SPPL3: variants seen among roughly 807,000 people sequenced by gnomAD.
SPPL3 encodes signal peptide peptidase-like 3.
In SPPL3, 5 loss-of-function variants were observed where a neutral mutation model predicts 42.4. The observed-to-expected ratio is 0.12, with a 90% confidence interval of 0.06 to 0.25. SPPL3 has a LOEUF of 0.25. Ranked by LOEUF, SPPL3 falls within the 10% of genes least tolerant of loss-of-function variation. The pLI is 1.00. For missense variants in SPPL3, 235 were observed against 489.0 expected, an observed-to-expected ratio of 0.48 and a Z score of 4.90; for synonymous variants, 195 against 181.8, an observed-to-expected ratio of 1.07 and a Z score of -0.58.
intron 1 of SPPL3, among the ~76,000 whole-genome samples, chr12:120,867,850 T>C (rs1347381807): frequency 2.0e-5 from 3 of 151,640 alleles, no homozygotes; most frequent in Non-Finnish European, 4.4e-5. Flanking sequence ...CGGGTTCAAG[T>C]GATTCTCCTG....
rs11290474 is a variant in SPPL3 at position 120,765,289 on chromosome 12, A to AT, written c.1084-220dup. ...CTGCTGCGCTTGGCCCCTTTCTGATATTTTTTTTTTTTGAGATGGGTTCTC... is the reference window on the plus strand; with the variant it reads ...CTGCTGCGCTTGGCCCCTTTCTGATATTTTTTTTTTTTTGAGATGGGTTCTC... On this transcript the variant is annotated intron_variant, in intron 10 of 10. Transcript: ENST00000353487. 4.0e-3 allele frequency among the ~76,000 whole-genome samples: 582 copies of AT among 145,710 alleles called. 5 individuals carry two copies. Among genetic ancestry groups the AT allele is most frequent in the East Asian group, 0.022 (111 of 4,962 alleles).
At chr12:120,772,613 A>C (rs1007105086) in intron 6 of SPPL3, among the ~76,000 whole-genome samples, 1 of 152,208 alleles carries the variant, frequency 6.6e-6, no homozygotes. Context: ...GATATATTTC[A>C]TTTTCATAGA....
At chr12:120,857,110 G>C (rs905319228) in intron 1 of SPPL3, among the ~76,000 whole-genome samples, 2 of 152,150 alleles carry the variant, frequency 1.3e-5, no homozygotes, top group African/African-American at 4.8e-5. Context: ...TAAAGAACCA[G>C]GAAGAGTAAT....
chr12:120,869,143 T>C (rs6489783), intron 1 of SPPL3, among the ~76,000 whole-genome samples: 13,468 of 152,198 alleles, frequency 0.088, 1,748 homozygotes, highest in African/African-American at 0.29. Context: ...TAACATGATA[T>C]AATAAAATGC....
intron 1 of SPPL3, chr12:120,845,514 G>T: frequency 2.3e-6 from 1 of 442,246 alleles, no homozygotes. Flanking sequence ...GCCTATGGTG[G>T]GAATGGTGGT....
At chr12:120,844,914 T>C (rs761623117) in intron 1 of SPPL3, among the ~76,000 whole-genome samples, 17 of 150,620 alleles carry the variant, frequency 1.1e-4, no homozygotes, top group Admixed American at 7.9e-4. Context: ...TAACAGAAAC[T>C]GCCTAATTGG....
chr12:120,822,186 C>T (rs146085967), intron 1 of SPPL3, among the ~76,000 whole-genome samples: 1 of 152,122 alleles, frequency 6.6e-6, no homozygotes, highest in East Asian at 1.9e-4. Flanking sequence ...GACTGTTGCA[C>T]AAAACATAAG....
intron 1 of SPPL3, among the ~76,000 whole-genome samples, chr12:120,836,338 C>A (rs961413656): frequency 6.6e-6 from 1 of 152,080 alleles, no homozygotes; most frequent in Admixed American, 6.6e-5. Context: ...AGCTGGCATG[C>A]AAGGAAGTCC....
At chr12:120,800,515 CAAAA>C (rs908207426) in intron 2 of SPPL3, among the ~76,000 whole-genome samples, 1 of 151,804 alleles carries the variant, frequency 6.6e-6, no homozygotes, top group Admixed American at 6.6e-5. Context: ...AACAAAAAAA[CAAAA>C]AACAAAACAA....
At chr12:120,900,529 C>A (rs1372928164) in intron 1 of SPPL3, among the ~76,000 whole-genome samples, 1 of 150,106 alleles carries the variant, frequency 6.7e-6, no homozygotes, top group Non-Finnish European at 1.5e-5. Context: ...CGCTTAAGCC[C>A]TGGAGGCACT....
chr12:120,797,875 C>T (rs1358381626), intron 2 of SPPL3, among the ~76,000 whole-genome samples: 1 of 152,118 alleles, frequency 6.6e-6, no homozygotes, highest in Admixed American at 6.5e-5. Flanking sequence ...AAGACTTGCC[C>T]CTCTACTAAC....
intron 1 of SPPL3, among the ~76,000 whole-genome samples, chr12:120,850,360 G>A (rs1285016969): frequency 6.6e-6 from 1 of 152,010 alleles, no homozygotes; most frequent in African/African-American, 2.4e-5. Flanking sequence ...CTACACCACA[G>A]AAGTTTATGC....
chr12:120,789,824 CAAAAA>C lies in SPPL3; in HGVS notation c.190+1640_190+1644del, dbSNP rs3050392. On this transcript the variant is annotated intron_variant, in intron 3 of 10. Coordinates refer to ENST00000353487, the MANE Select transcript of SPPL3 (RefSeq NM_139015.5). ...TGAATGACAGAGCAAGACTCCGTCT[CAAAAA>C]AAAAAAAAAAAAAAAAAAAAAAGAG... is the stretch of plus-strand genomic sequence containing the variant. 7.2e-3 allele frequency among the ~76,000 whole-genome samples: 219 copies of C among 30,444 alleles called. 2 individuals are homozygous for C. Among genetic ancestry groups the C allele is most frequent in the African/African-American group, 0.022 (196 of 8,988 alleles). The allele number at this position is 30,444 out of a possible 152,430, so 20.0% of individuals were successfully genotyped here.
intron 1 of SPPL3, among the ~76,000 whole-genome samples, chr12:120,866,203 C>T (rs1358977171): frequency 6.6e-6 from 1 of 152,124 alleles, no homozygotes; most frequent in Non-Finnish European, 1.5e-5. Flanking sequence ...CCAAAACATC[C>T]TCCCCCTCCT....
chr12:120,830,588 A>G (rs1871393678), intron 1 of SPPL3, among the ~76,000 whole-genome samples: 1 of 117,454 alleles, frequency 8.5e-6, no homozygotes, highest in Non-Finnish European at 1.8e-5. Context: ...AAGGAGAGAG[A>G]GAGAGAGAGA....
At chr12:120,766,601 G>C (rs1016907721) in intron 9 of SPPL3, among the ~76,000 whole-genome samples, 1 of 152,226 alleles carries the variant, frequency 6.6e-6, no homozygotes, top group South Asian at 2.1e-4. Context: ...TCCTTGCTCA[G>C]GTTCCTGGGT....
At chr12:120,804,705 A>AAATGCTT (rs1426889181) in intron 2 of SPPL3, among the ~76,000 whole-genome samples, 1 of 151,846 alleles carries the variant, frequency 6.6e-6, no homozygotes, top group Non-Finnish European at 1.5e-5. Context: ...AAATGTTAAG[A>AAATGCTT]CTAAGAGTTA....
chr12:120,839,019 A>C (rs544129112), intron 1 of SPPL3, among the ~76,000 whole-genome samples: 1 of 152,278 alleles, frequency 6.6e-6, no homozygotes, highest in Non-Finnish European at 1.5e-5. Flanking sequence ...TATATATCCA[A>C]AGGACTATAA....
At chr12:120,865,166 T>C (rs1035888929) in intron 1 of SPPL3, among the ~76,000 whole-genome samples, 5 of 152,232 alleles carry the variant, frequency 3.3e-5, no homozygotes, top group Non-Finnish European at 5.9e-5. Flanking sequence ...GTTGATCACT[T>C]TGTGGCCCTT....
Sources: gnomAD v4.1 joint callset for allele counts (sites outside exome capture counted in the v4.1 genomes callset) on GRCh38, gnomAD v4.1.1 for gene constraint, MANE v1.5 for transcripts, NCBI Gene and HGNC (gene_info 2026-07-23, HGNC 2026-07-21) for gene names.